COL15A1: variants seen among roughly 807,000 people sequenced by gnomAD.
COL15A1 encodes collagen type XV alpha 1 chain.
In COL15A1, 111 loss-of-function variants were observed where a neutral mutation model predicts 165.9. The observed-to-expected ratio is 0.67, with a 90% CI of 0.57 to 0.78. The LOEUF is 0.78. COL15A1 is among the 30% of genes least tolerant of loss of function. COL15A1 has a pLI of 0.00. For missense variants in COL15A1, 1,745 were observed against 1,789.7 expected, an observed-to-expected ratio of 0.98 and a Z score of 0.45; for synonymous variants, 659 against 674.8, an observed-to-expected ratio of 0.98 and a Z score of 0.36.
chr9:99,022,778 G>A (rs764780222), intron 13 of COL15A1, among the ~76,000 whole-genome samples: 2 of 152,246 alleles, frequency 1.3e-5, no homozygotes, highest in Non-Finnish European at 2.9e-5. Flanking sequence ...GTCTTCAGGA[G>A]TTAAGTGCTG....
intron 28 of COL15A1, among the ~76,000 whole-genome samples, chr9:99,049,103 C>T (rs1455891498): frequency 3.3e-5 from 5 of 152,196 alleles, no homozygotes; most frequent in Admixed American, 1.3e-4. Flanking sequence ...CTAAACTCTT[C>T]ATGCCTGCCC....
intron 36 of COL15A1, 90 bp from the exon 37 acceptor site, chr9:99,061,881 C>T: frequency 1.4e-6 from 2 of 1,420,422 alleles, no homozygotes; most frequent in South Asian, 2.7e-5. Flanking sequence ...GGGGACGGCT[C>T]CTAGTTGACT....
chr9:99,049,385 A>C (rs780493233), intron 28 of COL15A1, among the ~76,000 whole-genome samples: 1 of 152,184 alleles, frequency 6.6e-6, no homozygotes. Flanking sequence ...CTGAGTTGCA[A>C]TCTCAGTTCT....
In COL15A1 at chr9:99,003,435, T is replaced by C; in HGVS notation, c.1066-18T>C. 6.8e-7 allele frequency: 1 copy of C among 1,470,974 alleles called. No individual in the cohort carries two copies. The allele number at this position is 1,470,974 out of a possible 1,614,324, so 91.1% of individuals were successfully genotyped here. The stretch of plus-strand genomic sequence containing the variant: ...GGGAGCCCAGAGACATGGTCTCTTG[T>C]GATGCCTTTGTTTTCAGAATTTAGC... On this transcript the variant is annotated intron_variant, in intron 7 of 41. Transcript: ENST00000375001.
rs1312376652 is a variant in COL15A1, at chr9:99,003,597, T to C, written c.1200+10T>C. The C allele has an allele frequency of 2.0e-6, 3 of 1,475,110 alleles. No individual in the cohort carries two copies. Among genetic ancestry groups the C allele is most frequent in the Non-Finnish European group, 2.7e-6 (3 of 1,109,832 alleles). The allele number at this position is 1,475,110 out of a possible 1,614,324, so 91.4% of individuals were successfully genotyped here. On this transcript the variant is annotated intron_variant, in intron 8 of 41. Transcript: ENST00000375001. ...GGAAGGGGTCACTCCAGTAAGTAGC[T>C]CAGAGCGCAAGCTCCCCTTCACCTG...
chr9:98,948,879 T>C (rs117350323), intron 2 of COL15A1, among the ~76,000 whole-genome samples: 1 of 152,350 alleles, frequency 6.6e-6, no homozygotes, highest in Non-Finnish European at 1.5e-5. Flanking sequence ...ACAACATCCA[T>C]TCAGAAAAGT....
rs1007136210 is a variant in COL15A1, at chr9:99,015,906, G to A, written c.1504-70G>A. On this transcript the variant is annotated intron_variant, in intron 10 of 41. Transcript: ENST00000375001. ...GAAACTGGGCTGGCACCACAGAAAC[G>A]ACTGTTACAACTCCCTGGCAGCCTC... The A allele has an allele frequency of 6.5e-5, 101 of 1,564,254 alleles. No homozygotes were observed. In the East Asian group the frequency reaches 1.8e-3, roughly 27 times the overall value.
At chr9:98,986,714 G>C (rs566125079) in intron 3 of COL15A1, among the ~76,000 whole-genome samples, 1 of 152,224 alleles carries the variant, frequency 6.6e-6, no homozygotes, top group Non-Finnish European at 1.5e-5. Context: ...CTGATGTCTC[G>C]TTGGTGAACA....
At chr9:99,046,570 G>A (rs1346276286) in intron 26 of COL15A1, among the ~76,000 whole-genome samples, 4 of 152,190 alleles carry the variant, frequency 2.6e-5, no homozygotes, top group Non-Finnish European at 5.9e-5. Context: ...CAATTGTGGT[G>A]GGAGGCATCT....
intron 14 of COL15A1, among the ~76,000 whole-genome samples, chr9:99,024,350 G>A (rs984653576): frequency 6.8e-5 from 10 of 146,530 alleles, no homozygotes; most frequent in Middle Eastern, 3.6e-3. Context: ...GCGCGGTCTC[G>A]GCTCACTGCA....
intron 5 of COL15A1, among the ~76,000 whole-genome samples, chr9:98,991,271 A>T (rs1011517493): frequency 6.6e-6 from 1 of 151,302 alleles, no homozygotes; most frequent in Non-Finnish European, 1.5e-5. Context: ...CCCCCCCCAC[A>T]TCCTGCTGAT....
At chr9:99,040,620 C>T in intron 23 of COL15A1, 64 bp downstream of exon 23, 3 of 1,613,522 alleles carry the variant, frequency 1.9e-6, no homozygotes, top group South Asian at 1.1e-5. Flanking sequence ...GTTCCTTCCA[C>T]CTAGAATGGC....
rs576705982 is a variant in COL15A1 at position 99,008,429 on chromosome 9, C to T, written c.1353+3379C>T. Among the ~76,000 whole-genome samples, 201 of 152,254 alleles carry T rather than the reference C, an allele frequency of 1.3e-3. 1 individual carries two copies. The highest frequency in any genetic ancestry group is 3.2e-3 in the Admixed American group (49 of 15,304). ...GTCTGTATCTGATAGCATGCCATTC[C>T]AGTCAAAACCATGGTAAAATAACCA... On this transcript the variant is annotated intron_variant, in intron 9 of 41. Coordinates refer to ENST00000375001, the MANE Select transcript of COL15A1 (RefSeq NM_001855.5).
chr9:99,035,600 A>C (rs1839287823), intron 19 of COL15A1, among the ~76,000 whole-genome samples, 182 bp downstream of exon 19: 2 of 152,310 alleles, frequency 1.3e-5, no homozygotes, highest in South Asian at 4.1e-4. Context: ...GAGGAACAGC[A>C]TAGAAGTTTT....
rs867572256 is a variant in COL15A1, at chr9:99,034,727, T to A, written c.2079+143T>A. ...CAGAGAGGAACACATCTCAAAGGAA[T>A]TGCTCAGAGAAGGCAGAACAGCTGG... On this transcript the variant is annotated intron_variant, in intron 17 of 41. Transcript: ENST00000375001. 26 of 1,421,490 alleles carry A rather than the reference T, an allele frequency of 1.8e-5. No homozygotes were observed. The Middle Eastern group carries it at 7.7e-4, about 42-fold the overall frequency. 88.1% of individuals were successfully genotyped at this position (1,421,490 alleles called of 1,614,324 possible). A position where few individuals can be genotyped will look rare whatever the true frequency, so the allele number is the denominator to read the frequency against.
At chr9:99,002,473 C>G (rs1195634071) in intron 7 of COL15A1, among the ~76,000 whole-genome samples, 4 of 152,192 alleles carry the variant, frequency 2.6e-5, no homozygotes, top group African/African-American at 9.7e-5. Context: ...CACTCAACCC[C>G]AAAATGAGTC....
In COL15A1 at chr9:98,944,183, G is replaced by C; in HGVS notation, c.33G>C (p.Trp11Cys). 1 of 1,614,112 alleles carries C rather than the reference G, an allele frequency of 6.2e-7. No individual in the cohort carries two copies. The highest frequency in any genetic ancestry group is 8.5e-7 in the Non-Finnish European group (1 of 1,179,984). ...GCAGGAGGAACAACGGGCAGTGCTG[G>C]TGTCTGCTGATGCTGCTCTCGGTCT... MAPRRNNGQC[W>C]CLLMLLSVST... Residue 11 changes from tryptophan (W) to cysteine (C), a missense_variant, in exon 2 of 42, where the codon TGG becomes TGC. Physicochemically the swap from Trp to Cys is radical, Grantham distance 215. Transcript: ENST00000375001.
rs1195650545 is a variant in COL15A1 at position 99,022,170 on chromosome 9, T to C, written c.1761+20T>C. 1 of 1,614,010 alleles carries C rather than the reference T, an allele frequency of 6.2e-7. No individual in the cohort carries two copies. The highest frequency in any genetic ancestry group is 8.5e-7 in the Non-Finnish European group (1 of 1,179,986). On this transcript the variant is annotated intron_variant, in intron 13 of 41. Coordinates refer to ENST00000375001, the MANE Select transcript of COL15A1 (RefSeq NM_001855.5). ...CCCACGGTGAGATTCCCATCCAGGC[T>C]TGTCACACACACAGGTGTAAGACCA... is the stretch of plus-strand genomic sequence containing the variant.
At chr9:99,029,099 C>T (rs1839175466) in intron 16 of COL15A1, among the ~76,000 whole-genome samples, 1 of 152,206 alleles carries the variant, frequency 6.6e-6, no homozygotes. Context: ...TTCCTTTCTG[C>T]TTTTGCACTG....
Sources: allele counts gnomAD v4.1 joint callset (sites outside exome capture counted in the v4.1 genomes callset), GRCh38; gene constraint gnomAD v4.1.1; transcripts MANE v1.5; gene names NCBI Gene and HGNC (gene_info 2026-07-23, HGNC 2026-07-21).